Variants in ADCY9 observed in about 807,000 individuals in gnomAD.
ADCY9 encodes the protein adenylate cyclase type 9.
A neutral mutation model predicts 101.5 loss-of-function variants in ADCY9; 50 were observed. That is an observed-to-expected ratio of 0.49 (90% CI 0.39 to 0.62). The LOEUF is 0.62. ADCY9 is among the 20% of genes least tolerant of loss of function. The pLI, the probability that ADCY9 is intolerant of heterozygous loss-of-function variation, is 0.00. For missense variants in ADCY9, 1,662 were observed against 1,800.4 expected (o/e 0.92, Z 1.39); for synonymous variants, 905 against 769.3 (o/e 1.18, Z -2.92).
chr16:4,041,919 G>GTTTTTTTT (rs750737772), intron 2 of ADCY9, among the ~76,000 whole-genome samples: 1 of 100,668 alleles, frequency 9.9e-6, no homozygotes, highest in Non-Finnish European at 1.8e-5. Flanking sequence ...CCCCAGCTAA[G>GTTTTTTTT]TTTTTTTTTT....
chr16:4,097,553 A>ATATATATATATATATATATAT (rs1382458827), intron 2 of ADCY9, among the ~76,000 whole-genome samples: 2 of 53,416 alleles, frequency 3.7e-5, no homozygotes, highest in African/African-American at 1.7e-4. Context: ...ATATATATAT[A>ATATATATATATATATATATAT]TTTTTTTTTT....
chr16:3,975,323 G>A (rs1045823607), intron 9 of ADCY9, among the ~76,000 whole-genome samples: 5 of 152,138 alleles, frequency 3.3e-5, no homozygotes, highest in African/African-American at 1.2e-4. Context: ...TTCCTTTCAA[G>A]TACTGAATGA....
chr16:4,066,636 C>T (rs2056802825), intron 2 of ADCY9, among the ~76,000 whole-genome samples: 1 of 152,114 alleles, frequency 6.6e-6, no homozygotes, highest in African/African-American at 2.4e-5. Flanking sequence ...CCTCCCGCCT[C>T]AGCCTCCCAA....
At chr16:4,106,317 G>C (rs1431247149) in intron 2 of ADCY9, among the ~76,000 whole-genome samples, 1 of 152,208 alleles carries the variant, frequency 6.6e-6, no homozygotes, top group East Asian at 1.9e-4. Context: ...GTCTTCCCAG[G>C]GGAGGACCAC....
intron 2 of ADCY9, among the ~76,000 whole-genome samples, chr16:4,058,565 G>C (rs1597199614): frequency 6.6e-6 from 1 of 152,046 alleles, no homozygotes; most frequent in African/African-American, 2.4e-5. Context: ...GACTCTTGTT[G>C]AGAGAACACT....
chr16:4,041,921 T>TG (rs2056629930), intron 2 of ADCY9, among the ~76,000 whole-genome samples: 1 of 139,746 alleles, frequency 7.2e-6, no homozygotes, highest in South Asian at 2.4e-4. Context: ...CCAGCTAAGT[T>TG]TTTTTTTTTT....
chr16:4,049,197 A>G (rs921414162), intron 2 of ADCY9, among the ~76,000 whole-genome samples: 3 of 152,320 alleles, frequency 2.0e-5, no homozygotes, highest in African/African-American at 7.2e-5. Flanking sequence ...AGTCTGCTCC[A>G]AACGGCCACG....
intron 2 of ADCY9, among the ~76,000 whole-genome samples, chr16:4,016,874 C>G (rs901817945): frequency 1.3e-5 from 2 of 152,032 alleles, no homozygotes; most frequent in East Asian, 3.9e-4. Context: ...TTTGGGGTGA[C>G]GAAAATGTAA....
At chr16:4,054,663 CGGGTTCAAGCAAT>C (rs2056725186) in intron 2 of ADCY9, among the ~76,000 whole-genome samples, 1 of 151,970 alleles carries the variant, frequency 6.6e-6, no homozygotes, top group African/African-American at 2.4e-5. Context: ...CTACGCCTCC[CGGGTTCAAGCAAT>C]TCTCCTGCTT....
At chr16:4,045,581 C>A (rs1210045522) in intron 2 of ADCY9, among the ~76,000 whole-genome samples, 6 of 100,038 alleles carry the variant, frequency 6.0e-5, no homozygotes, top group African/African-American at 2.0e-4. Flanking sequence ...GGCAACAGAG[C>A]AAGACTCTGC....
intron 2 of ADCY9, among the ~76,000 whole-genome samples, chr16:4,074,808 T>C (rs945691022): frequency 4.3e-4 from 66 of 152,250 alleles, no homozygotes; most frequent in African/African-American, 1.4e-3. Flanking sequence ...CAGTTCGGTA[T>C]TTCTTTACAT....
intron 2 of ADCY9, among the ~76,000 whole-genome samples, chr16:4,048,652 T>C (rs2056681377): frequency 6.6e-6 from 1 of 151,902 alleles, no homozygotes; most frequent in Non-Finnish European, 1.5e-5. Flanking sequence ...CAATGGCAAA[T>C]AATAGGAGAC....
At chr16:3,994,226 G>C (rs975786230) in intron 3 of ADCY9, among the ~76,000 whole-genome samples, 2 of 152,134 alleles carry the variant, frequency 1.3e-5, no homozygotes, top group Non-Finnish European at 2.9e-5. Flanking sequence ...TGTGAAGCAG[G>C]AACGGGTCCT....
chr16:3,960,703 C>T (rs191129081), downstream of ADCY9, among the ~76,000 whole-genome samples: 41 of 152,260 alleles, frequency 2.7e-4, no homozygotes, highest in Middle Eastern at 3.4e-3. Flanking sequence ...CTCTAACAGG[C>T]ACGCGGATTA....
chr16:4,089,423 A>G (rs2056959841), intron 2 of ADCY9, among the ~76,000 whole-genome samples: 2 of 152,060 alleles, frequency 1.3e-5, no homozygotes, highest in Admixed American at 1.3e-4. Flanking sequence ...ATGCTATCCT[A>G]CAGAGGTGCT....
intron 5 of ADCY9, among the ~76,000 whole-genome samples, chr16:3,990,855 A>G (rs905297290): frequency 6.6e-6 from 1 of 152,212 alleles, no homozygotes; most frequent in Non-Finnish European, 1.5e-5. Context: ...CTGGAGTTGC[A>G]GTGCTGCGAT....
chr16:4,082,407 T>C (rs1471955471), intron 2 of ADCY9, among the ~76,000 whole-genome samples: 1 of 152,124 alleles, frequency 6.6e-6, no homozygotes, highest in Admixed American at 6.6e-5. Context: ...AATTCTATGT[T>C]TTAACTAAAG....
At chr16:4,088,810 A>G (rs1318867566) in intron 2 of ADCY9, among the ~76,000 whole-genome samples, 3 of 152,062 alleles carry the variant, frequency 2.0e-5, no homozygotes, top group Non-Finnish European at 4.4e-5. Flanking sequence ...TTTTCATAAC[A>G]GCTTTATATA....
intron 2 of ADCY9, 118 bp from the exon 3 acceptor site, chr16:4,007,676 G>A: frequency 1.2e-6 from 1 of 823,550 alleles, no homozygotes; most frequent in Non-Finnish European, 1.9e-6. Context: ...AAGTGAAAAT[G>A]TGAATAGGTC....
Sources: gnomAD v4.1 joint callset for allele counts (sites outside exome capture counted in the v4.1 genomes callset) on GRCh38, gnomAD v4.1.1 for gene constraint, MANE v1.5 for transcripts, NCBI Gene and HGNC (gene_info 2026-07-23, HGNC 2026-07-21) for gene names.